DCP1A: variants seen among roughly 807,000 people sequenced by gnomAD.
DCP1A encodes the protein mRNA-decapping enzyme 1A.
In DCP1A, 20 loss-of-function variants were observed where a neutral mutation model predicts 58.0. That is an observed-to-expected ratio of 0.34 (90% CI 0.24 to 0.50). The LOEUF is 0.50. Among genes scored for constraint, DCP1A ranks in the 20% least tolerant of loss-of-function variants. The pLI, the probability that DCP1A is intolerant of heterozygous loss-of-function variation, is 0.98. For missense variants in DCP1A, 613 were observed against 712.2 expected (o/e 0.86, Z 1.59); for synonymous variants, 285 against 275.1 (o/e 1.04, Z -0.36).
At position 53,347,493 on chromosome 3, in the gene DCP1A, G is replaced by T. The variant is rs782188181; in HGVS notation, c.25C>A (p.Gln9Lys). The change falls in exon 1 of 10, where the codon CAG becomes AAG. Residue 9 changes from glutamine (Q) to lysine (K), a missense_variant. Gln to Lys is a moderately conservative substitution (Grantham distance 53). Coordinates refer to ENST00000610213, the MANE Select transcript of DCP1A (RefSeq NM_018403.7). MEALSRAG[Q>K]EMSLAALKQH... ...TTCAGGGCCGCTAGGCTCATCTCCTGCCCAGCTCGACTCAGCGCCTCCATC... is the reference window on the plus strand; with the variant it reads ...TTCAGGGCCGCTAGGCTCATCTCCTTCCCAGCTCGACTCAGCGCCTCCATC... 4 of 1,612,804 alleles carry T rather than the reference G, an allele frequency of 2.5e-6. No homozygotes were observed. The African/African-American group carries it at 5.3e-5, about 22-fold the overall frequency.
chr3:53,316,860 C>T (rs563864817), intron 4 of DCP1A, among the ~76,000 whole-genome samples: 1 of 152,228 alleles, frequency 6.6e-6, no homozygotes, highest in Non-Finnish European at 1.5e-5. Flanking sequence ...TTTTCCCTTC[C>T]AGCTTTCCAT....
chr3:53,320,094 C>G (rs141424904), intron 3 of DCP1A, among the ~76,000 whole-genome samples: 5,656 of 151,180 alleles, frequency 0.037, 157 homozygotes, highest in Non-Finnish European at 0.063. Flanking sequence ...CGCCACTGCA[C>G]TCCAGCCTAG....
chr3:53,319,614 A>G, intron 3 of DCP1A, 141 bp from the exon 4 acceptor site: 1 of 541,060 alleles, frequency 1.8e-6, no homozygotes, highest in Admixed American at 3.3e-5. Context: ...TAAAGAAAAC[A>G]AGTATCTCCT....
chr3:53,319,680 A>C (rs1707906738), intron 3 of DCP1A, among the ~76,000 whole-genome samples: 1 of 152,244 alleles, frequency 6.6e-6, no homozygotes, highest in Non-Finnish European at 1.5e-5. Flanking sequence ...TAAAGATTAC[A>C]CAAAATAGTT....
rs1400639602 is a variant in DCP1A at position 53,283,479 on chromosome 3, A to C, written c.*4101T>G. ...TTTTATTAAAAAAATATATTTGCAA[A>C]CATATAAAATTTAAGATGAAAAACG... On this transcript the variant is annotated 3_prime_UTR_variant, in exon 10 of 10. Transcript: ENST00000610213. 6.6e-6 allele frequency: 1 copy of C among 152,240 alleles called. No homozygotes were observed. The highest frequency in any genetic ancestry group is 1.5e-5 in the Non-Finnish European group (1 of 68,048). 9.4% of individuals were successfully genotyped at this position (152,240 alleles called of 1,614,324 possible).
chr3:53,299,939 C>T (rs566135986), intron 6 of DCP1A, among the ~76,000 whole-genome samples: 1 of 152,216 alleles, frequency 6.6e-6, no homozygotes, highest in Non-Finnish European at 1.5e-5. Context: ...ACGATCTTGG[C>T]TCACTGCAAC....
chr3:53,325,969 G>A (rs1708093471), intron 3 of DCP1A, among the ~76,000 whole-genome samples: 1 of 152,140 alleles, frequency 6.6e-6, no homozygotes, highest in Non-Finnish European at 1.5e-5. Context: ...ACTCATTTCA[G>A]ACCACCACTG....
chr3:53,312,020 A>G (rs1487142233), intron 5 of DCP1A, among the ~76,000 whole-genome samples: 2 of 151,884 alleles, frequency 1.3e-5, no homozygotes, highest in African/African-American at 4.8e-5. Flanking sequence ...GCACAATCAT[A>G]GCCCACTGCA....
intron 3 of DCP1A, among the ~76,000 whole-genome samples, chr3:53,336,857 T>G (rs2089125229): frequency 6.7e-6 from 1 of 148,354 alleles, no homozygotes; most frequent in African/African-American, 2.6e-5. Context: ...TTTATTTATT[T>G]ATTTATTTAT....
intron 3 of DCP1A, among the ~76,000 whole-genome samples, chr3:53,325,047 G>C (rs1430232267): frequency 6.6e-6 from 1 of 152,006 alleles, no homozygotes; most frequent in Non-Finnish European, 1.5e-5. Flanking sequence ...AAAAATTAAA[G>C]GTATTTGAAC....
chr3:53,312,163 G>T, intron 5 of DCP1A, 78 bp downstream of exon 5: 1 of 1,457,758 alleles, frequency 6.9e-7, no homozygotes, highest in Non-Finnish European at 9.2e-7. Context: ...AGCTTCCCTA[G>T]TAAAATAGTC....
chr3:53,347,303 C>G (rs1553693250), intron 1 of DCP1A, 80 bp downstream of exon 1: 5 of 1,404,344 alleles, frequency 3.6e-6, no homozygotes, highest in African/African-American at 1.5e-5. Flanking sequence ...GTGTGCCCCC[C>G]CACCCCACAG....
intron 6 of DCP1A, among the ~76,000 whole-genome samples, chr3:53,293,253 A>G (rs1322154829): frequency 1.3e-5 from 2 of 152,196 alleles, no homozygotes; most frequent in African/African-American, 4.8e-5. Context: ...TGGGTCTCAA[A>G]TATCAGAAAA....
chr3:53,344,140 C>CAA (rs60429210), intron 2 of DCP1A, among the ~76,000 whole-genome samples: 7 of 144,452 alleles, frequency 4.8e-5, no homozygotes, highest in East Asian at 2.0e-4. Context: ...CAACTCAATA[C>CAA]AAAAAAAAAA....
intron 6 of DCP1A, among the ~76,000 whole-genome samples, chr3:53,302,946 A>G (rs1575600023): frequency 6.6e-6 from 1 of 151,104 alleles, no homozygotes; most frequent in East Asian, 2.0e-4. Context: ...TTTAAATTAA[A>G]TTAAATTAAA....
At chr3:53,317,227 G>A (rs972369109) in intron 4 of DCP1A, among the ~76,000 whole-genome samples, 15 of 152,016 alleles carry the variant, frequency 9.9e-5, no homozygotes, top group Admixed American at 1.3e-4. Flanking sequence ...ATGCAATGGC[G>A]CGATCTTGGC....
intron 3 of DCP1A, among the ~76,000 whole-genome samples, chr3:53,325,575 C>T (rs1275105394): frequency 5.3e-5 from 8 of 152,032 alleles, no homozygotes; most frequent in Admixed American, 6.6e-5. Flanking sequence ...AACAAGAAAA[C>T]GGGCTTTGGG....
chr3:53,301,133 T>TA, intron 6 of DCP1A, among the ~76,000 whole-genome samples: 1 of 152,282 alleles, frequency 6.6e-6, no homozygotes, highest in South Asian at 2.1e-4. Flanking sequence ...TAAATCCAGA[T>TA]ACAGTAAAAA....
intron 3 of DCP1A, 111 bp from the exon 4 acceptor site, chr3:53,319,584 C>G (rs1417784938): frequency 3.2e-6 from 2 of 628,542 alleles, no homozygotes; most frequent in African/African-American, 3.7e-5. Context: ...ATCAGACCCT[C>G]AAATTGTTAA....
Sources: gnomAD v4.1 joint callset for allele counts (sites outside exome capture counted in the v4.1 genomes callset) on GRCh38, gnomAD v4.1.1 for gene constraint, MANE v1.5 for transcripts, NCBI Gene and HGNC (gene_info 2026-07-23, HGNC 2026-07-21) for gene names.